The following PRLR variants were observed in gnomAD, a reference collection of about 807,000 sequenced individuals.
PRLR encodes the protein hPRL receptor.
In PRLR, 13 loss-of-function variants were observed where a neutral mutation model predicts 40.2. The ratio of observed to expected loss-of-function variants is 0.32; its 90% CI spans 0.21 to 0.51. PRLR has a LOEUF of 0.51. PRLR is among the 20% of genes least tolerant of loss of function. PRLR has a pLI of 0.97. For synonymous variants in PRLR, 269 were observed against 278.7 expected, an observed-to-expected ratio of 0.97 and a Z score of 0.35; for missense variants, 656 against 747.3, an observed-to-expected ratio of 0.88 and a Z score of 1.42.
At chr5:35,149,514 A>T (rs987720262) in intron 1 of PRLR, among the ~76,000 whole-genome samples, 1 of 152,182 alleles carries the variant, frequency 6.6e-6, no homozygotes, top group East Asian at 1.9e-4. Context: ...GTAGCAGACA[A>T]CTAAGCTTCT....
chr5:35,193,617 C>T (rs1347177694), intron 1 of PRLR, among the ~76,000 whole-genome samples: 1 of 152,130 alleles, frequency 6.6e-6, no homozygotes, highest in Non-Finnish European at 1.5e-5. Flanking sequence ...AATTGTCAGA[C>T]CCTCTGAGAG....
At chr5:35,161,772 G>A (rs1252936962) in intron 1 of PRLR, among the ~76,000 whole-genome samples, 2 of 152,200 alleles carry the variant, frequency 1.3e-5, no homozygotes, top group Admixed American at 6.5e-5. Flanking sequence ...TTTTTGGATC[G>A]GCTAATGAAG....
intron 1 of PRLR, among the ~76,000 whole-genome samples, chr5:35,168,545 C>A (rs891174556): frequency 6.6e-6 from 1 of 151,804 alleles, no homozygotes; most frequent in Non-Finnish European, 1.5e-5. Context: ...CAATATCAGA[C>A]AAGTAACTAA....
At chr5:35,204,170 G>A (rs140345001) in intron 1 of PRLR, among the ~76,000 whole-genome samples, 5 of 150,290 alleles carry the variant, frequency 3.3e-5, no homozygotes, top group Non-Finnish European at 7.4e-5. Context: ...AGAATGTTGC[G>A]CCGTTGTATT....
intron 2 of PRLR, among the ~76,000 whole-genome samples, chr5:35,099,782 CTT>C (rs1579643225): frequency 6.6e-6 from 1 of 152,090 alleles, no homozygotes; most frequent in East Asian, 1.9e-4. Flanking sequence ...AACAAAAAAA[CTT>C]TTAAAAATAG....
chr5:35,144,686 C>T (rs866057190), intron 1 of PRLR, among the ~76,000 whole-genome samples: 7 of 150,074 alleles, frequency 4.7e-5, no homozygotes. Flanking sequence ...TGGTCTCAAA[C>T]TCCTGGCCTC....
intron 1 of PRLR, among the ~76,000 whole-genome samples, chr5:35,219,623 A>T (rs544033101): frequency 6.6e-6 from 1 of 152,324 alleles, no homozygotes; most frequent in South Asian, 2.1e-4. Flanking sequence ...CTCAGAAAAG[A>T]GATAAACTAG....
intron 1 of PRLR, among the ~76,000 whole-genome samples, chr5:35,185,913 G>C (rs1383564060): frequency 2.0e-5 from 3 of 152,132 alleles, no homozygotes; most frequent in Non-Finnish European, 2.9e-5. Flanking sequence ...AACCATATTA[G>C]TGTTCTCTGA....
chr5:35,184,509 T>G (rs1416072922), intron 1 of PRLR, among the ~76,000 whole-genome samples: 1 of 152,072 alleles, frequency 6.6e-6, no homozygotes, highest in Admixed American at 6.5e-5. Flanking sequence ...AGAGTGAGAC[T>G]CCATCTTATA....
At chr5:35,125,112 T>G (rs1773414425) in intron 1 of PRLR, among the ~76,000 whole-genome samples, 1 of 152,150 alleles carries the variant, frequency 6.6e-6, no homozygotes, top group African/African-American at 2.4e-5. Flanking sequence ...CAAGTCTCCT[T>G]GATTGACCAG....
chr5:35,090,645 G>A lies in PRLR; in HGVS notation c.-43-982C>T, dbSNP rs558774755. On this transcript the variant is annotated intron_variant, in intron 2 of 9. Coordinates refer to ENST00000618457, the MANE Select transcript of PRLR (RefSeq NM_000949.7). The stretch of plus-strand genomic sequence containing the variant: ...AAGAACATTCAGGATCAAAGCTGCC[G>A]ATCTTGGGACATTTGAAACGTCTGA... Among the ~76,000 whole-genome samples, 19 of 151,984 alleles carry A rather than the reference G, an allele frequency of 1.3e-4. No homozygotes were observed. The Middle Eastern group carries it at 0.01, about 82-fold the overall frequency.
At chr5:35,197,902 A>G (rs900267913) in intron 1 of PRLR, among the ~76,000 whole-genome samples, 1 of 152,218 alleles carries the variant, frequency 6.6e-6, no homozygotes. Flanking sequence ...GAGGAGAGGT[A>G]AGACTGGCAA....
chr5:35,199,023 G>A (rs952064940), intron 1 of PRLR, among the ~76,000 whole-genome samples: 8 of 152,168 alleles, frequency 5.3e-5, no homozygotes, highest in African/African-American at 1.9e-4. Flanking sequence ...CTCCGGATCC[G>A]GCTGCTGAGA....
At chr5:35,216,177 A>G (rs1776283507) in intron 1 of PRLR, among the ~76,000 whole-genome samples, 1 of 152,216 alleles carries the variant, frequency 6.6e-6, no homozygotes, top group South Asian at 2.1e-4. Flanking sequence ...AGAAGCTACT[A>G]TAAGGTGCTA....
intron 1 of PRLR, among the ~76,000 whole-genome samples, chr5:35,164,383 G>T (rs1380791414): frequency 1.3e-5 from 2 of 152,118 alleles, no homozygotes; most frequent in Non-Finnish European, 2.9e-5. Context: ...TCAGGGAAGG[G>T]ATCTCTGAAT....
intron 1 of PRLR, among the ~76,000 whole-genome samples, chr5:35,224,948 T>G (rs1776514951): frequency 6.6e-6 from 1 of 152,224 alleles, no homozygotes; most frequent in South Asian, 2.1e-4. Context: ...TGGTCTTTTG[T>G]GATGCCCCTG....
chr5:35,154,618 A>G (rs955389757), intron 1 of PRLR, among the ~76,000 whole-genome samples: 7 of 152,082 alleles, frequency 4.6e-5, no homozygotes, highest in Admixed American at 2.0e-4. Flanking sequence ...ATACCACTTG[A>G]CCCAGCAATT....
In PRLR at chr5:35,062,104, T is replaced by C. The variant is rs1769071247; in HGVS notation, c.*2985A>G. 6.6e-6 allele frequency: 1 copy of C among 152,210 alleles called. No homozygotes were observed. Among genetic ancestry groups the C allele is most frequent in the Non-Finnish European group, 1.5e-5 (1 of 68,038 alleles). The allele number at this position is 152,210 out of a possible 1,614,324, so 9.4% of individuals were successfully genotyped here. On this transcript the variant is annotated 3_prime_UTR_variant, in exon 10 of 10. Coordinates refer to ENST00000618457, the MANE Select transcript of PRLR (RefSeq NM_000949.7). ...TGCAATATATTAAGACCAACTGGAA[T>C]GGACGGTTTAAAAAGCAAAGTATAA...
At chr5:35,068,149 T>G in intron 9 of PRLR, 67 bp downstream of exon 9, 1 of 1,387,858 alleles carries the variant, frequency 7.2e-7, no homozygotes, top group Non-Finnish European at 1.0e-6. Context: ...GGACTGTGTG[T>G]GAGTGTGTAG....
Sources: allele counts gnomAD v4.1 joint callset (sites outside exome capture counted in the v4.1 genomes callset), GRCh38; gene constraint gnomAD v4.1.1; transcripts MANE v1.5; gene names NCBI Gene and HGNC (gene_info 2026-07-23, HGNC 2026-07-21).